Variants in MIPEP observed in about 807,000 individuals in gnomAD.
MIPEP encodes the protein mitochondrial intermediate peptidase.
Under a neutral mutation model 90.3 loss-of-function variants are expected in MIPEP, and 79 were observed. That is an observed-to-expected ratio of 0.87 (90% CI 0.73 to 1.05). The LOEUF (loss-of-function observed/expected upper bound fraction) is 1.05. Among genes scored for constraint, MIPEP ranks in the 50% least tolerant of loss-of-function variants. The pLI is 0.00. For synonymous variants in MIPEP, 334 were observed against 315.8 expected (o/e 1.06, Z -0.61); for missense variants, 940 against 905.6 (o/e 1.04, Z -0.49).
chr13:23,830,930 A>T (rs900390855), intron 14 of MIPEP, among the ~76,000 whole-genome samples: 1 of 152,154 alleles, frequency 6.6e-6, no homozygotes, highest in Non-Finnish European at 1.5e-5. Context: ...TATGCTGAGG[A>T]CAAAGGGATA....
chr13:23,746,323 T>G (rs1053728301), intron 18 of MIPEP, among the ~76,000 whole-genome samples: 1 of 151,768 alleles, frequency 6.6e-6, no homozygotes, highest in Non-Finnish European at 1.5e-5. Flanking sequence ...CAGAACAGTT[T>G]TAACCATAAG....
intron 10 of MIPEP, among the ~76,000 whole-genome samples, chr13:23,855,879 G>A (rs1870027965): frequency 6.6e-6 from 1 of 152,148 alleles, no homozygotes; most frequent in African/African-American, 2.4e-5. Flanking sequence ...CAGCATACCT[G>A]GTGATTTCAA....
At chr13:23,839,285 T>C (rs1244153005) in intron 12 of MIPEP, among the ~76,000 whole-genome samples, 1 of 152,312 alleles carries the variant, frequency 6.6e-6, no homozygotes, top group Non-Finnish European at 1.5e-5. Context: ...TTAACCTCTA[T>C]GGCTTCAGTT....
intron 10 of MIPEP, among the ~76,000 whole-genome samples, chr13:23,850,116 G>A (rs1290791233): frequency 6.6e-6 from 1 of 152,216 alleles, no homozygotes; most frequent in Non-Finnish European, 1.5e-5. Flanking sequence ...GAGGGCACGT[G>A]TGGGCGAGGA....
In MIPEP at chr13:23,812,295, C is replaced by T. The variant is rs374148405; in HGVS notation, c.1654-2371G>A. On this transcript the variant is annotated intron_variant, in intron 14 of 18. Coordinates refer to ENST00000382172, the MANE Select transcript of MIPEP (RefSeq NM_005932.4). ...GATTTGCCAAATGAATAGGTGTTAA[C>T]TAGACAAGAGAAGGATGGATGGGAA... Among the ~76,000 whole-genome samples the T allele has an allele frequency of 1.7e-3, 262 of 151,962 alleles. 4 individuals are homozygous for T. The highest frequency in any genetic ancestry group is 0.011 in the South Asian group (54 of 4,800).
At chr13:23,785,858 T>C (rs1249153679) in intron 16 of MIPEP, among the ~76,000 whole-genome samples, 5 of 151,318 alleles carry the variant, frequency 3.3e-5, no homozygotes, top group East Asian at 2.0e-4. Flanking sequence ...TCTTGTTGCA[T>C]ATGAAAACCT....
intron 10 of MIPEP, among the ~76,000 whole-genome samples, chr13:23,850,194 C>A (rs912220526): frequency 1.3e-5 from 2 of 152,164 alleles, no homozygotes; most frequent in Admixed American, 1.3e-4. Flanking sequence ...TTAACTTTAT[C>A]AAAAGCAAAT....
In MIPEP at chr13:23,808,919, A is replaced by G. The variant is rs372326538; in HGVS notation, c.1728+931T>C. ...AAAACTATAAAGCAATTAAATAGTG[A>G]TTACTTTGTTAAACAGGTAACTGAA... On this transcript the variant is annotated intron_variant, in intron 15 of 18. Coordinates refer to ENST00000382172, the MANE Select transcript of MIPEP (RefSeq NM_005932.4). 8.5e-5 allele frequency among the ~76,000 whole-genome samples: 13 copies of G among 152,334 alleles called. No individual in the cohort carries two copies. In the East Asian group the frequency reaches 1.7e-3, roughly 20 times the overall value.
chr13:23,864,506 G>C lies in MIPEP; in HGVS notation c.944-317C>G, dbSNP rs1015687376. On this transcript the variant is annotated intron_variant, in intron 7 of 18. Coordinates refer to ENST00000382172, the MANE Select transcript of MIPEP (RefSeq NM_005932.4). ...TAGTACTTTGGGAGGCTGAGGGCAG[G>C]GGGTGGATCACCTGAGGTCAGGAGT... is the stretch of plus-strand genomic sequence containing the variant. Among the ~76,000 whole-genome samples the C allele has an allele frequency of 3.3e-5, 5 of 152,058 alleles. No individual in the cohort carries two copies. In the East Asian group the frequency reaches 7.7e-4, roughly 24 times the overall value.
At chr13:23,833,045 C>T (rs1190426376) in intron 14 of MIPEP, among the ~76,000 whole-genome samples, 1 of 152,082 alleles carries the variant, frequency 6.6e-6, no homozygotes, top group Non-Finnish European at 1.5e-5. Flanking sequence ...TTATCCTCTA[C>T]CTGAGACCTC....
intron 14 of MIPEP, among the ~76,000 whole-genome samples, chr13:23,826,986 T>C (rs970078815): frequency 2.1e-4 from 32 of 152,212 alleles, no homozygotes; most frequent in African/African-American, 7.7e-4. Context: ...AGCATCTATA[T>C]AGCGTTTACA....
At chr13:23,798,152 A>C (rs1952984660) in intron 16 of MIPEP, among the ~76,000 whole-genome samples, 1 of 152,246 alleles carries the variant, frequency 6.6e-6, no homozygotes, top group Admixed American at 6.5e-5. Flanking sequence ...TAAATACAAA[A>C]AGCAAATTAT....
At chr13:23,761,696 C>T (rs1352696330) in intron 16 of MIPEP, among the ~76,000 whole-genome samples, 1 of 152,220 alleles carries the variant, frequency 6.6e-6, no homozygotes, top group African/African-American at 2.4e-5. Context: ...TCACCCCAGC[C>T]AAGGCTGGGA....
At chr13:23,882,855 A>C (rs1228494477) in intron 2 of MIPEP, among the ~76,000 whole-genome samples, 2 of 152,108 alleles carry the variant, frequency 1.3e-5, no homozygotes, top group Non-Finnish European at 2.9e-5. Context: ...GTAAATTTAC[A>C]ACATTTTTTT....
At chr13:23,769,838 C>A (rs955282973) in intron 16 of MIPEP, among the ~76,000 whole-genome samples, 1 of 152,076 alleles carries the variant, frequency 6.6e-6, no homozygotes, top group Admixed American at 6.5e-5. Context: ...AAGAGGTGAC[C>A]GGATCATGAG....
chr13:23,839,796 T>A, intron 11 of MIPEP, 70 bp from the exon 12 acceptor site: 1 of 1,086,784 alleles, frequency 9.2e-7, no homozygotes, highest in African/African-American at 1.6e-5. Flanking sequence ...AACACAAGAA[T>A]CTGTATATTA....
intron 16 of MIPEP, among the ~76,000 whole-genome samples, chr13:23,783,695 G>T (rs1357571139): frequency 6.6e-6 from 1 of 152,200 alleles, no homozygotes; most frequent in Non-Finnish European, 1.5e-5. Context: ...TGTATATTTA[G>T]AAAACCCCAT....
chr13:23,866,618 C>T (rs535331637), intron 7 of MIPEP, among the ~76,000 whole-genome samples: 66 of 152,304 alleles, frequency 4.3e-4, no homozygotes, highest in South Asian at 6.2e-4. Flanking sequence ...TTCCACCTCC[C>T]TTAGTGGCCG....
chr13:23,843,141 G>A (rs1869378983), intron 10 of MIPEP, among the ~76,000 whole-genome samples: 1 of 150,924 alleles, frequency 6.6e-6, no homozygotes, highest in African/African-American at 2.4e-5. Flanking sequence ...TTGCAAGGCA[G>A]GGCTGGGATG....
Sources: gnomAD v4.1 joint callset for allele counts (sites outside exome capture counted in the v4.1 genomes callset) on GRCh38, gnomAD v4.1.1 for gene constraint, MANE v1.5 for transcripts, NCBI Gene and HGNC (gene_info 2026-07-23, HGNC 2026-07-21) for gene names.